The following ZNF69 variants were observed in gnomAD, a reference collection of about 807,000 sequenced individuals.
ZNF69 encodes the protein zinc finger protein 69.
In ZNF69, 47 loss-of-function variants were observed where a neutral mutation model predicts 50.9. That is an observed-to-expected ratio of 0.92 (90% CI 0.73 to 1.18). ZNF69 has a LOEUF of 1.18. ZNF69 is among the 50% of genes most tolerant of loss of function. The pLI, the probability that ZNF69 is intolerant of heterozygous loss-of-function variation, is 0.00. For missense variants in ZNF69, 717 were observed against 675.1 expected (o/e 1.06, Z -0.69); for synonymous variants, 216 against 223.1 (o/e 0.97, Z 0.29).
At chr19:11,916,409 G>A (rs1018731454), downstream of ZNF69, among the ~76,000 whole-genome samples, 13 of 152,158 alleles carry the variant, frequency 8.5e-5, no homozygotes, top group Admixed American at 3.3e-4. Flanking sequence ...GAGGTCAGGA[G>A]TTCAAGACCA....
the ZNF69 span, among the ~76,000 whole-genome samples, chr19:11,928,528 C>T: frequency 6.7e-6 from 1 of 148,580 alleles, no homozygotes; most frequent in African/African-American, 2.6e-5. Flanking sequence ...GTCAGGAGAT[C>T]GAGACCATCC....
intron 1 of ZNF69, among the ~76,000 whole-genome samples, chr19:11,892,250 G>A (rs1052272636): frequency 2.0e-5 from 3 of 151,382 alleles, no homozygotes; most frequent in Admixed American, 6.6e-5. Context: ...AAAGTGCTGC[G>A]ATCACAGACG....
At chr19:11,980,205 C>A in the ZNF69 span, 1 of 461,182 alleles carries the variant, frequency 2.2e-6, no homozygotes, top group South Asian at 2.2e-5. Context: ...TATGATGAAA[C>A]CCCTGTCTCT....
rs904232772 is a variant in ZNF69 at position 11,892,959 on chromosome 19, C to G, written c.63+4973C>G. On this transcript the variant is annotated intron_variant, in intron 1 of 3. Coordinates refer to ENST00000429654, the MANE Select transcript of ZNF69 (RefSeq NM_001364730.1). ...AAGTAATTCTCCTGCTTCAGCCTCC[C>G]AAGTAGCTGGGATTACATGCATGTG... 7.2e-5 allele frequency among the ~76,000 whole-genome samples: 11 copies of G among 152,290 alleles called. No homozygotes were observed. In the East Asian group the frequency reaches 1.2e-3, roughly 16 times the overall value.
At chr19:11,915,491 A>T (rs956923225), downstream of ZNF69, among the ~76,000 whole-genome samples, 1 of 152,192 alleles carries the variant, frequency 6.6e-6, no homozygotes, top group Non-Finnish European at 1.5e-5. Context: ...CCCAAGGAGC[A>T]CCCCAAAGAG....
At chr19:11,949,115 G>GT in the ZNF69 span, 4 of 1,612,378 alleles carry the variant, frequency 2.5e-6, no homozygotes, top group Non-Finnish European at 3.4e-6. Context: ...CCTTATAAAT[G>GT]TAAGATATGT....
rs1261627195 is a variant in ZNF69, at chr19:11,905,241, G to A, written c.844G>A (p.Gly282Arg). The A allele has an allele frequency of 1.2e-6, 2 of 1,613,966 alleles. No homozygotes were observed. The highest frequency in any genetic ancestry group is 1.7e-5 in the Admixed American group (1 of 59,980). ...AAAGCCTTATGAATGTCAGCAATGT[G>A]GGAAAGCATTTCATAGTCCCAGATG... The part of the protein sequence containing the change: ...GEKPYECQQC[G>R]KAFHSPRCYR... Residue 282 changes from glycine (G) to arginine (R), a missense_variant, in exon 4 of 4, where the codon GGG (glycine) becomes AGG (arginine). By Grantham distance (125) the Gly-to-Arg change is moderately radical. Transcript: ENST00000429654.
the ZNF69 span, among the ~76,000 whole-genome samples, chr19:11,927,599 T>C: frequency 6.6e-6 from 1 of 152,318 alleles, no homozygotes; most frequent in South Asian, 2.1e-4. Context: ...TACCTGTGCC[T>C]ATGTGCATGT....
the ZNF69 span, among the ~76,000 whole-genome samples, chr19:11,977,737 T>A: frequency 6.6e-6 from 1 of 152,136 alleles, no homozygotes; most frequent in Admixed American, 6.5e-5. Flanking sequence ...TGCATCGTAG[T>A]CCTAGCTACT....
At chr19:11,917,946 C>G (rs1448082746), downstream of ZNF69, among the ~76,000 whole-genome samples, 3 of 152,106 alleles carry the variant, frequency 2.0e-5, no homozygotes, top group African/African-American at 2.4e-5. Context: ...TGCAACCACA[C>G]TCAGCTAATT....
intron 4 of ZNF69, among the ~76,000 whole-genome samples, chr19:11,912,944 G>A (rs768181547): frequency 3.3e-5 from 5 of 152,202 alleles, no homozygotes; most frequent in African/African-American, 7.2e-5. Flanking sequence ...GCTTATGCCC[G>A]TAATCCCACC....
chr19:11,963,088 A>AGAGAGAGAGAGAGAGAGAGAGAGAGT, the ZNF69 span, among the ~76,000 whole-genome samples: 185 of 138,286 alleles, frequency 1.3e-3, 2 homozygotes, highest in African/African-American at 5.3e-3. Flanking sequence ...AGAGAGAGAG[A>AGAGAGAGAGAGAGAGAGAGAGAGAGT]GTGTGTGTGT....
chr19:11,949,479 T>C, the ZNF69 span: 362 of 1,612,662 alleles, frequency 2.2e-4, 3 homozygotes, highest in African/African-American at 4.5e-3. Context: ...CCTTCAGATA[T>C]GTGAAGCACC....
At chr19:11,941,170 T>C in the ZNF69 span, among the ~76,000 whole-genome samples, 1 of 152,232 alleles carries the variant, frequency 6.6e-6, no homozygotes, top group East Asian at 1.9e-4. Flanking sequence ...GCATTTACAA[T>C]CCCTGGGCTA....
chr19:11,977,265 G>C, the ZNF69 span: 2 of 1,603,200 alleles, frequency 1.2e-6, no homozygotes, highest in Admixed American at 1.7e-5. Context: ...GAAATACTTT[G>C]ATGAATAAAT....
chr19:11,955,795 ACTCTT>A, the ZNF69 span, among the ~76,000 whole-genome samples: 2 of 152,102 alleles, frequency 1.3e-5, no homozygotes, highest in Middle Eastern at 6.8e-3. Flanking sequence ...ACGGTGGATA[ACTCTT>A]CTCTTCCTGT....
At chr19:11,911,944 A>G (rs557500071) in intron 4 of ZNF69, among the ~76,000 whole-genome samples, 1 of 152,054 alleles carries the variant, frequency 6.6e-6, no homozygotes, top group African/African-American at 2.4e-5. Flanking sequence ...GAGAAACCCT[A>G]TGAGTGTAAG....
At chr19:11,907,511 G>T (rs1386756279), downstream of ZNF69, among the ~76,000 whole-genome samples, 2 of 152,178 alleles carry the variant, frequency 1.3e-5, no homozygotes, top group African/African-American at 4.8e-5. Context: ...AAGAGTGGGG[G>T]CCAATATTCA....
the ZNF69 span, chr19:11,940,095 C>A: frequency 6.6e-6 from 1 of 152,082 alleles, no homozygotes; most frequent in Non-Finnish European, 1.5e-5. Context: ...CCACACCTGG[C>A]TAATTTTGTA....
Sources: allele counts gnomAD v4.1 joint callset (sites outside exome capture counted in the v4.1 genomes callset), GRCh38; gene constraint gnomAD v4.1.1; transcripts MANE v1.5; gene names NCBI Gene and HGNC (gene_info 2026-07-23, HGNC 2026-07-21).